FBXL13: variants seen among roughly 807,000 people sequenced by gnomAD.
FBXL13 encodes F-box and leucine-rich repeat protein 13.
A neutral mutation model predicts 83.6 loss-of-function variants in FBXL13; 67 were observed. The ratio of observed to expected loss-of-function variants is 0.80; its 90% CI spans 0.66 to 0.98. FBXL13 has a LOEUF of 0.98. FBXL13 is among the 50% of genes least tolerant of loss of function. The probability of loss-of-function intolerance (pLI) is 0.00; values close to 1 mark genes in which losing one functional copy is unlikely to be tolerated. For synonymous variants in FBXL13, 272 were observed against 299.5 expected, an observed-to-expected ratio of 0.91 and a Z score of 0.95; for missense variants, 822 against 866.5, an observed-to-expected ratio of 0.95 and a Z score of 0.64.
At chr7:102,965,804 C>T (rs903806245) in intron 7 of FBXL13, among the ~76,000 whole-genome samples, 3 of 152,130 alleles carry the variant, frequency 2.0e-5, no homozygotes, top group African/African-American at 4.8e-5. Flanking sequence ...TATCAACAAA[C>T]GTGGTCATTT....
At chr7:103,060,777 T>G (rs1007827131) in intron 1 of FBXL13, among the ~76,000 whole-genome samples, 1 of 152,090 alleles carries the variant, frequency 6.6e-6, no homozygotes, top group Non-Finnish European at 1.5e-5. Context: ...GAGATAAAAG[T>G]GATTATCAAA....
chr7:102,958,360 G>C (rs1456981642), intron 8 of FBXL13, among the ~76,000 whole-genome samples: 1 of 151,738 alleles, frequency 6.6e-6, no homozygotes, highest in Non-Finnish European at 1.5e-5. Context: ...CACAGGGCGG[G>C]GAACATCACA....
At chr7:102,899,713 C>T (rs868424628) in intron 11 of FBXL13, among the ~76,000 whole-genome samples, 1 of 152,276 alleles carries the variant, frequency 6.6e-6, no homozygotes, top group South Asian at 2.1e-4. Context: ...AATGTAAGTA[C>T]ATTTGCAAGT....
At chr7:102,916,514 G>C (rs1197396801) in intron 10 of FBXL13, among the ~76,000 whole-genome samples, 1 of 152,150 alleles carries the variant, frequency 6.6e-6, no homozygotes, top group Non-Finnish European at 1.5e-5. Context: ...ATCTTGGGTG[G>C]CCCTGTAGGC....
chr7:103,073,998 T>C (rs566615536), intron 1 of FBXL13, among the ~76,000 whole-genome samples: 232 of 152,296 alleles, frequency 1.5e-3, no homozygotes, highest in Non-Finnish European at 2.9e-3. Flanking sequence ...CAAAGGCAAA[T>C]GTTCTCAGCT....
intron 6 of FBXL13, among the ~76,000 whole-genome samples, chr7:102,993,537 TTA>T (rs1486067891): frequency 6.6e-6 from 1 of 152,146 alleles, no homozygotes; most frequent in Non-Finnish European, 1.5e-5. Context: ...CTTAACTATT[TTA>T]GAGTTTCCAA....
chr7:102,823,760 A>G (rs1407658058), intron 18 of FBXL13, among the ~76,000 whole-genome samples: 1 of 152,244 alleles, frequency 6.6e-6, no homozygotes, highest in Non-Finnish European at 1.5e-5. Flanking sequence ...CATAAAGTTA[A>G]AAGAAAAATC....
chr7:102,942,744 G>C (rs960528541), intron 8 of FBXL13, among the ~76,000 whole-genome samples: 7 of 151,982 alleles, frequency 4.6e-5, no homozygotes, highest in African/African-American at 1.7e-4. Context: ...TTTTTAAGGG[G>C]GAATTATGGG....
chr7:103,067,793 G>C (rs752165887), intron 1 of FBXL13, among the ~76,000 whole-genome samples: 1 of 152,208 alleles, frequency 6.6e-6, no homozygotes, highest in South Asian at 2.1e-4. Context: ...ATAATAAAAT[G>C]AATACTGTTA....
chr7:102,956,370 G>A (rs1347917710), intron 8 of FBXL13, among the ~76,000 whole-genome samples: 1 of 151,696 alleles, frequency 6.6e-6, no homozygotes, highest in Non-Finnish European at 1.5e-5. Context: ...ACTAGGTATT[G>A]ATGGAACGTA....
intron 11 of FBXL13, among the ~76,000 whole-genome samples, chr7:102,902,984 G>T (rs1358599413): frequency 6.6e-6 from 1 of 151,836 alleles, no homozygotes; most frequent in Non-Finnish European, 1.5e-5. Context: ...TTTTGATAGG[G>T]ATTTCATTGA....
chr7:103,028,520 CA>C (rs765056614), intron 4 of FBXL13, 79 bp downstream of exon 5: 62 of 1,013,944 alleles, frequency 6.1e-5, no homozygotes, highest in Non-Finnish European at 6.0e-5. Flanking sequence ...TCTAAGTACC[CA>C]AAGTATGCTT....
At chr7:103,073,768 G>A (rs956796722) in intron 1 of FBXL13, among the ~76,000 whole-genome samples, 4 of 152,014 alleles carry the variant, frequency 2.6e-5, no homozygotes, top group Non-Finnish European at 4.4e-5. Context: ...AAAGAGACGG[G>A]TGGGGGGTCT....
At chr7:102,824,042 G>T (rs79088824) in intron 18 of FBXL13, among the ~76,000 whole-genome samples, 1,652 of 152,310 alleles carry the variant, frequency 0.011, 36 homozygotes, top group African/African-American at 0.038. Flanking sequence ...CAGAGTAGCA[G>T]GTTTGGTTTG....
chr7:103,033,903 A>T (rs568825216), intron 2 of FBXL13, among the ~76,000 whole-genome samples: 2 of 152,270 alleles, frequency 1.3e-5, no homozygotes, highest in South Asian at 4.1e-4. Flanking sequence ...TGGTGTGTTT[A>T]CAATCCCTGA....
chr7:102,973,744 G>A, intron 6 of FBXL13: 2 of 766,002 alleles, frequency 2.6e-6, no homozygotes, highest in Non-Finnish European at 4.8e-6. Context: ...CTCTGTGCAT[G>A]CACATCAGTC....
At chr7:103,074,512 G>C (rs1313438428) in exon 1 of FBXL13, 1 of 1,175,632 alleles carries the variant, frequency 8.5e-7, no homozygotes, top group East Asian at 6.0e-5. Flanking sequence ...TCTCTAATCA[G>C]CGTCTTCAGC....
At chr7:102,815,620 G>C (rs1797890750) in intron 19 of FBXL13, among the ~76,000 whole-genome samples, 1 of 151,280 alleles carries the variant, frequency 6.6e-6, no homozygotes, top group Non-Finnish European at 1.5e-5. Context: ...AGCACAGTTA[G>C]AGGCAACAAT....
chr7:103,023,384 T>C (rs1019935508), intron 6 of FBXL13, among the ~76,000 whole-genome samples: 1 of 152,052 alleles, frequency 6.6e-6, no homozygotes, highest in East Asian at 1.9e-4. Flanking sequence ...CCAATGAGCA[T>C]ATGAAAAAAT....
Sources: allele counts gnomAD v4.1 joint callset (sites outside exome capture counted in the v4.1 genomes callset), GRCh38; gene constraint gnomAD v4.1.1; transcripts MANE v1.5; gene names NCBI Gene and HGNC (gene_info 2026-07-23, HGNC 2026-07-21).